The following MYH16 variants were observed in gnomAD, a reference collection of about 807,000 sequenced individuals.
The protein encoded by MYH16 is putative uncharacterized protein MYH16.
chr7:99,304,619 C>A, exon 40 of MYH16: 1 of 153,144 alleles, frequency 6.5e-6, no homozygotes, highest in Non-Finnish European at 1.5e-5. Context: ...CCGGCAAGAG[C>A]AGGACCACTG....
intron 1 of MYH16, among the ~76,000 whole-genome samples, chr7:99,241,244 C>T (rs144583465): frequency 3.5e-4 from 53 of 152,258 alleles, no homozygotes; most frequent in African/African-American, 1.3e-3. Context: ...TGCACGTGGA[C>T]GAGGACCAGA....
At chr7:99,306,033 GGCGGTGGGTGTCCAT>G (rs1264673486) in intron 41 of MYH16, 1 of 152,660 alleles carries the variant, frequency 6.6e-6, no homozygotes, top group African/African-American at 2.4e-5. Flanking sequence ...AGATTGAGGA[GGCGGTGGGTGTCCAT>G]GCGCCTCCCC....
chr7:99,247,364 A>G (rs1385587064), intron 2 of MYH16, among the ~76,000 whole-genome samples: 2 of 152,224 alleles, frequency 1.3e-5, no homozygotes, highest in African/African-American at 4.8e-5. Context: ...TGGTAGAGAC[A>G]GGGTTTCACC....
intron 18 of MYH16, among the ~76,000 whole-genome samples, chr7:99,270,383 G>C (rs543767719): frequency 6.8e-6 from 1 of 147,620 alleles, no homozygotes; most frequent in Non-Finnish European, 1.5e-5. Context: ...GTGCAGTGGC[G>C]TGATCTCGGC....
chr7:99,255,399 G>C (rs887346621), intron 8 of MYH16, among the ~76,000 whole-genome samples: 3 of 146,632 alleles, frequency 2.0e-5, no homozygotes, highest in African/African-American at 7.4e-5. Context: ...AGTGAGCTAT[G>C]ATTGTGCCAC....
At chr7:99,283,203 C>T (rs971901034) in intron 23 of MYH16, among the ~76,000 whole-genome samples, 21 of 152,158 alleles carry the variant, frequency 1.4e-4, no homozygotes, top group African/African-American at 3.6e-4. Context: ...GGCTCGTGAT[C>T]GTCCTGCCTC....
At chr7:99,291,439 G>A (rs990823353) in exon 31 of MYH16, 3 of 456,404 alleles carry the variant, frequency 6.6e-6, no homozygotes, top group Admixed American at 2.4e-5. Flanking sequence ...GCAGCTGGAT[G>A]AAGAGTCAAA....
At chr7:99,295,358 C>T (rs1180303304) in intron 33 of MYH16, among the ~76,000 whole-genome samples, 1 of 151,508 alleles carries the variant, frequency 6.6e-6, no homozygotes, top group Non-Finnish European at 1.5e-5. Context: ...GCCTAGGTGA[C>T]AGAGCGAGAC....
chr7:99,270,199 T>C (rs565290246), intron 18 of MYH16, among the ~76,000 whole-genome samples: 130 of 152,020 alleles, frequency 8.6e-4, no homozygotes, highest in Non-Finnish European at 1.4e-3. Context: ...AGGCAGGGCA[T>C]GGTGGCTCAT....
chr7:99,268,677 G>A (rs1792016003), intron 18 of MYH16, among the ~76,000 whole-genome samples: 1 of 152,254 alleles, frequency 6.6e-6, no homozygotes, highest in Admixed American at 6.5e-5. Context: ...GTGTTCCTAT[G>A]TTTGGAGTTG....
intron 11 of MYH16, among the ~76,000 whole-genome samples, chr7:99,258,717 A>G (rs953542471): frequency 8.5e-5 from 13 of 152,250 alleles, no homozygotes; most frequent in African/African-American, 3.1e-4. Flanking sequence ...ATAGCTTGAA[A>G]TTAGCCATGG....
chr7:99,276,080 T>G (rs777463743), intron 20 of MYH16, among the ~76,000 whole-genome samples: 1 of 152,236 alleles, frequency 6.6e-6, no homozygotes, highest in African/African-American at 2.4e-5. Context: ...GTATTCTAAC[T>G]AAGCTCTAAT....
chr7:99,286,501 G>A (rs1792279618), exon 28 of MYH16: 1 of 152,584 alleles, frequency 6.6e-6, no homozygotes, highest in African/African-American at 2.4e-5. Context: ...GTTGGAGGAA[G>A]CGGGTGGAGC....
chr7:99,309,233 G>A (rs981334149), downstream of MYH16, among the ~76,000 whole-genome samples: 4 of 152,254 alleles, frequency 2.6e-5, no homozygotes, highest in East Asian at 3.9e-4. Context: ...CCTAAGCACC[G>A]ACCTCCGTGG....
intron 33 of MYH16, among the ~76,000 whole-genome samples, chr7:99,295,749 C>T (rs1389676743): frequency 6.7e-6 from 1 of 148,388 alleles, no homozygotes; most frequent in Admixed American, 6.9e-5. Context: ...GGGAAGATTG[C>T]TTAAGTCCAA....
chr7:99,256,275 C>CAAAA (rs55894638), intron 9 of MYH16, among the ~76,000 whole-genome samples: 31 of 71,014 alleles, frequency 4.4e-4, no homozygotes, highest in Non-Finnish European at 6.1e-4. Flanking sequence ...CCCGTCTCTG[C>CAAAA]AAAAAAAAAA....
intron 39 of MYH16, among the ~76,000 whole-genome samples, chr7:99,304,213 A>C (rs1453919325): frequency 6.6e-6 from 1 of 152,202 alleles, no homozygotes; most frequent in Non-Finnish European, 1.5e-5. Flanking sequence ...GAGAGGGGAT[A>C]AGCAACATGC....
At chr7:99,302,329 C>CAT (rs1792610596) in intron 38 of MYH16, among the ~76,000 whole-genome samples, 1 of 140,476 alleles carries the variant, frequency 7.1e-6, no homozygotes. Context: ...CACACACACA[C>CAT]ACACACACAC....
At chr7:99,256,883 C>T (rs912470490) in intron 9 of MYH16, among the ~76,000 whole-genome samples, 2 of 152,050 alleles carry the variant, frequency 1.3e-5, no homozygotes, top group African/African-American at 4.8e-5. Flanking sequence ...CCCAGGAGTT[C>T]TAGATTGCAG....
Sources: gnomAD v4.1 joint callset for allele counts (sites outside exome capture counted in the v4.1 genomes callset) on GRCh38, gnomAD v4.1.1 for gene constraint, MANE v1.5 for transcripts, NCBI Gene and HGNC (gene_info 2026-07-23, HGNC 2026-07-21) for gene names.